Variants in PCBP2 observed in about 807,000 individuals in gnomAD.
PCBP2 encodes poly(rC)-binding protein 2.
A neutral mutation model predicts 50.1 loss-of-function variants in PCBP2; 4 were observed. That is an observed-to-expected ratio of 0.08 (90% CI 0.04 to 0.18). The LOEUF (loss-of-function observed/expected upper bound fraction) is 0.18. Ranked by LOEUF, PCBP2 falls within the 10% of genes least tolerant of loss-of-function variation. The pLI, the probability that PCBP2 is intolerant of heterozygous loss-of-function variation, is 1.00. For synonymous variants in PCBP2, 179 were observed against 168.0 expected (o/e 1.07, Z -0.51); for missense variants, 161 against 474.3 (o/e 0.34, Z 6.14).
rs765337503 is a variant in PCBP2, at chr12:53,461,000, C to A, written c.376-15C>A. 1.2e-6 allele frequency: 2 copies of A among 1,611,896 alleles called. No homozygotes were observed. The highest frequency in any genetic ancestry group is 1.7e-5 in the Admixed American group (1 of 59,868). On this transcript the variant is annotated splice_polypyrimidine_tract_variant and intron_variant, in intron 6 of 14. Transcript: ENST00000546463. ...ACTGTTTTTCTCTGATTTTGAATTT[C>A]TTTTTACTCCAAAGAGTACAGGGGC... is the stretch of plus-strand genomic sequence containing the variant.
chr12:53,460,963 G>A lies in PCBP2; in HGVS notation c.376-52G>A, dbSNP rs1941410906. ...CTCTGAAATTGCTGCTGGAGGAATT[G>A]GAAGAGCATGAACTGTTTTTCTCTG... On this transcript the variant is annotated intron_variant, in intron 6 of 14. Coordinates refer to ENST00000546463, the MANE Select transcript of PCBP2 (RefSeq NM_031989.5). 5 of 1,596,314 alleles carry A rather than the reference G, an allele frequency of 3.1e-6. No individual in the cohort carries two copies. The Admixed American group carries it at 8.4e-5, about 27-fold the overall frequency.
chr12:53,465,946 A>G lies in PCBP2; in HGVS notation c.687A>G (p.Gln229=). 1 of 1,613,832 alleles carries G rather than the reference A, an allele frequency of 6.2e-7. No homozygotes were observed. The highest frequency in any genetic ancestry group is 2.2e-5 in the East Asian group (1 of 44,870). Residue 229 remains glutamine (Q), a synonymous_variant, in exon 10 of 15, where the codon CAA becomes CAG. Transcript: ENST00000546463. ...EGPPLEAYTI[Q]GQYAIPQPDL... The stretch of plus-strand genomic sequence containing the variant: ...TCCTTTTGTAGGCCTATACCATTCA[A>G]GGACAGTATGCCATTCCACAGCCAG...
intron 1 of PCBP2, among the ~76,000 whole-genome samples, chr12:53,453,835 G>C (rs545924571): frequency 2.0e-5 from 3 of 152,192 alleles, no homozygotes; most frequent in Non-Finnish European, 4.4e-5. Context: ...TAGGAACAAT[G>C]TTAGGAATTG....
At position 53,455,510 on chromosome 12, in the gene PCBP2, T is replaced by C. The variant is rs1940937725; in HGVS notation, c.126+17T>C. ...CGCGAGGAGGTAAGTTATGAAAGAC[T>C]GAGATTGTTAACTTTGGGAAGTAAA... is the stretch of plus-strand genomic sequence containing the variant. On this transcript the variant is annotated intron_variant, in intron 4 of 14. Coordinates refer to ENST00000546463, the MANE Select transcript of PCBP2 (RefSeq NM_031989.5). 6.2e-7 allele frequency: 1 copy of C among 1,612,764 alleles called. No individual in the cohort carries two copies. The highest frequency in any genetic ancestry group is 8.5e-7 in the Non-Finnish European group (1 of 1,178,804).
chr12:53,465,450 C>T (rs1171454854), intron 9 of PCBP2, among the ~76,000 whole-genome samples: 1 of 152,070 alleles, frequency 6.6e-6, no homozygotes, highest in Admixed American at 6.6e-5. Flanking sequence ...GGTCTTTAGG[C>T]AGATAGAGAA....
Position 53,467,838 on chromosome 12 carries a change from A to G in PCBP2, c.821A>G (p.Tyr274Cys), listed in dbSNP as rs1335612560. 4 of 1,607,736 alleles carry G rather than the reference A, an allele frequency of 2.5e-6. No individual in the cohort carries two copies. The highest frequency in any genetic ancestry group is 3.4e-6 in the Non-Finnish European group (4 of 1,174,708). The change falls in exon 12 of 15, where the codon TAT (tyrosine) becomes TGT (cysteine). Residue 274 changes from tyrosine (Y) to cysteine (C), a missense_variant. Transcript: ENST00000546463. The part of the protein sequence containing the change: ...IESSSPEVKG[Y>C]WAGLDASAQT... Reference sequence around the variant, plus strand: ...TCCAGCTCTCCAGAGGTGAAAGGCTATTGGGGTAATGATTAAAAAAAAAAA... The same window carrying G: ...TCCAGCTCTCCAGAGGTGAAAGGCTGTTGGGGTAATGATTAAAAAAAAAAA...
At chr12:53,456,264 C>A (rs903651021) in intron 5 of PCBP2, among the ~76,000 whole-genome samples, 2 of 151,910 alleles carry the variant, frequency 1.3e-5, no homozygotes, top group South Asian at 2.1e-4. Flanking sequence ...GTCAGGAGTT[C>A]GAGACCAACA....
chr12:53,469,820 T>C (rs1459583437), intron 13 of PCBP2, among the ~76,000 whole-genome samples: 1 of 150,034 alleles, frequency 6.7e-6, no homozygotes, highest in Non-Finnish European at 1.5e-5. Flanking sequence ...TGGCTCACTG[T>C]GACCTCCGTC....
chr12:53,475,013 C>T (rs780346758), intron 14 of PCBP2: 57 of 456,412 alleles, frequency 1.2e-4, no homozygotes, highest in Non-Finnish European at 3.5e-5. Context: ...GGACCTCCGA[C>T]GCACCCTCCA....
intron 14 of PCBP2, among the ~76,000 whole-genome samples, chr12:53,472,617 C>G (rs1942316409): frequency 6.6e-6 from 1 of 152,166 alleles, no homozygotes; most frequent in African/African-American, 2.4e-5. Flanking sequence ...GGAATGTTGT[C>G]TAGTTATCAT....
At chr12:53,458,643 A>ATT (rs3049328) in intron 5 of PCBP2, among the ~76,000 whole-genome samples, 6 of 123,376 alleles carry the variant, frequency 4.9e-5, no homozygotes, top group African/African-American at 5.9e-5. Flanking sequence ...ATTTGACTTA[A>ATT]TTTTTTTTTT....
chr12:53,469,784 C>A (rs1411556836), intron 13 of PCBP2, among the ~76,000 whole-genome samples: 2 of 105,960 alleles, frequency 1.9e-5, no homozygotes, highest in Non-Finnish European at 3.8e-5. Flanking sequence ...TTTTTTGAGA[C>A]GGCATCTTGC....
At chr12:53,458,830 G>C (rs1333902015) in intron 5 of PCBP2, among the ~76,000 whole-genome samples, 2 of 151,624 alleles carry the variant, frequency 1.3e-5, no homozygotes. Flanking sequence ...GTGGAGACGG[G>C]GTCTCACTAT....
chr12:53,464,625 G>A (rs560849619), intron 8 of PCBP2, 135 bp from the exon 9 acceptor site: 34 of 1,232,150 alleles, frequency 2.8e-5, no homozygotes, highest in Admixed American at 1.1e-4. Flanking sequence ...ATTACAGCTC[G>A]TTTCAAATTG....
chr12:53,466,199 T>G (rs1290326184), intron 10 of PCBP2, among the ~76,000 whole-genome samples: 1 of 152,262 alleles, frequency 6.6e-6, no homozygotes. Context: ...CATTAGCTTC[T>G]CCTTTCCCCC....
chr12:53,454,761 T>C lies in PCBP2; in HGVS notation c.-40T>C. On this transcript the variant is annotated 5_prime_UTR_variant, in exon 2 of 15. Transcript: ENST00000546463. ...TCACCCCCAACCAGTGACCAAAGAC[T>C]TGACCACTCAAAGTCCAGCTCCCCA... The C allele has an allele frequency of 1.9e-6, 3 of 1,585,294 alleles. No homozygotes were observed. Among genetic ancestry groups the C allele is most frequent in the Non-Finnish European group, 1.7e-6 (2 of 1,153,876 alleles).
chr12:53,458,353 T>A (rs1048866699), intron 5 of PCBP2, among the ~76,000 whole-genome samples: 6 of 152,212 alleles, frequency 3.9e-5, no homozygotes, highest in African/African-American at 1.2e-4. Flanking sequence ...TTCCCTAGGC[T>A]GGAGTGCAGT....
intron 1 of PCBP2, among the ~76,000 whole-genome samples, chr12:53,454,183 C>G (rs1592630268): frequency 6.6e-6 from 1 of 152,138 alleles, no homozygotes; most frequent in South Asian, 2.1e-4. Flanking sequence ...TGATCTAAAT[C>G]TTTTAGAAAT....
In PCBP2 at chr12:53,468,923, T is replaced by TC. The variant is rs1942002948; in HGVS notation, c.882+91_882+92insC. ...TCAGCAGTGTCCTGCTACCCTTTTT[T>TC]TTTTTTTTTTTTTAAACAGCCCAGG... On this transcript the variant is annotated intron_variant, in intron 13 of 14. Transcript: ENST00000546463. The TC allele has an allele frequency of 3.0e-6, 3 of 988,352 alleles. No homozygotes were observed. The Admixed American group carries it at 6.4e-5, about 21-fold the overall frequency. The allele number at this position is 988,352 out of a possible 1,614,324, so 61.2% of individuals were successfully genotyped here.
Sources: allele counts gnomAD v4.1 joint callset (sites outside exome capture counted in the v4.1 genomes callset), GRCh38; gene constraint gnomAD v4.1.1; transcripts MANE v1.5; gene names NCBI Gene and HGNC (gene_info 2026-07-23, HGNC 2026-07-21).